TRPC6: variants seen among roughly 807,000 people sequenced by gnomAD.
The protein encoded by TRPC6 is short transient receptor potential channel 6.
In TRPC6, 55 loss-of-function variants were observed where a neutral mutation model predicts 90.7. That is an observed-to-expected ratio of 0.61 (90% CI 0.49 to 0.76). The LOEUF is 0.76. Ranked by LOEUF, TRPC6 falls within the 30% of genes least tolerant of loss-of-function variation. TRPC6 has a pLI of 0.00. For synonymous variants in TRPC6, 393 were observed against 393.0 expected (o/e 1.00, Z 0.00); for missense variants, 989 against 1,122.7 (o/e 0.88, Z 1.70).
intron 1 of TRPC6, among the ~76,000 whole-genome samples, chr11:101,513,890 G>A (rs746635326): frequency 5.3e-5 from 8 of 152,132 alleles, no homozygotes; most frequent in Admixed American, 2.0e-4. Context: ...AGAGATAATG[G>A]TGCTGAAGAA....
intron 9 of TRPC6, among the ~76,000 whole-genome samples, chr11:101,470,241 T>C (rs746049740): frequency 1.2e-4 from 19 of 152,338 alleles, no homozygotes; most frequent in South Asian, 4.1e-4. Flanking sequence ...TTTGCTCTTA[T>C]ATCGAATTAA....
chr11:101,535,601 C>T (rs1861027825), intron 1 of TRPC6, among the ~76,000 whole-genome samples: 1 of 152,074 alleles, frequency 6.6e-6, no homozygotes. Context: ...GTTTTGTTTA[C>T]TTGTTAGTAA....
chr11:101,475,632 G>T (rs1394699826), intron 6 of TRPC6, among the ~76,000 whole-genome samples: 1 of 151,644 alleles, frequency 6.6e-6, no homozygotes, highest in Non-Finnish European at 1.5e-5. Context: ...TCCCCATTTT[G>T]TGCCTTTTAC....
chr11:101,557,714 A>T (rs932099506), intron 1 of TRPC6, among the ~76,000 whole-genome samples: 1 of 152,292 alleles, frequency 6.6e-6, no homozygotes, highest in Middle Eastern at 3.4e-3. Context: ...ATTTCTATAC[A>T]CTAACAAAGA....
chr11:101,507,694 T>A (rs1860306931), intron 1 of TRPC6, among the ~76,000 whole-genome samples: 1 of 152,154 alleles, frequency 6.6e-6, no homozygotes, highest in African/African-American at 2.4e-5. Context: ...GTTTTGTGGC[T>A]ACTATTGAGA....
At chr11:101,460,917 C>G (rs562282848) in intron 10 of TRPC6, among the ~76,000 whole-genome samples, 1 of 152,084 alleles carries the variant, frequency 6.6e-6, no homozygotes, top group African/African-American at 2.4e-5. Context: ...ACCTCTTATC[C>G]GTAAGAAAAC....
At chr11:101,530,057 CA>C (rs1860873504) in intron 1 of TRPC6, among the ~76,000 whole-genome samples, 1 of 152,176 alleles carries the variant, frequency 6.6e-6, no homozygotes, top group Non-Finnish European at 1.5e-5. Flanking sequence ...GGCCTGGCAG[CA>C]GACGCTGAAG....
chr11:101,583,475 C>A lies in TRPC6; in HGVS notation c.29G>T (p.Arg10Leu). The A allele has an allele frequency of 6.6e-7, 1 of 1,515,982 alleles. No individual in the cohort carries two copies. Among genetic ancestry groups the A allele is most frequent in the South Asian group, 1.2e-5 (1 of 81,910 alleles). The allele number at this position is 1,515,982 out of a possible 1,614,324, so 93.9% of individuals were successfully genotyped here. ...AGCGCCCCGGGGAGAACTGCCCCTC[C>A]GGGGCCCGAACGCCGGGCTCTGGCT... MSQSPAFGPRRGSSPRGAAG... is the reference protein window; with the variant it reads MSQSPAFGPLRGSSPRGAAG... Residue 10 changes from arginine to leucine, a missense_variant, in exon 1 of 13, where the codon CGG (arginine) becomes CTG (leucine). Physicochemically the swap from Arg to Leu is moderately radical, Grantham distance 102. Around this residue, in one of 4 missense-constraint regions of TRPC6, gnomAD observed 194 missense variants for 136.5 expected, o/e 1.42. Coordinates refer to ENST00000344327, the MANE Select transcript of TRPC6 (RefSeq NM_004621.6).
chr11:101,463,270 C>G (rs1166688799), intron 10 of TRPC6, among the ~76,000 whole-genome samples: 4 of 152,096 alleles, frequency 2.6e-5, no homozygotes, highest in African/African-American at 7.2e-5. Context: ...CTGAAATTTT[C>G]TTTTTCTGTT....
intron 1 of TRPC6, among the ~76,000 whole-genome samples, chr11:101,558,488 C>T (rs1384355728): frequency 8.1e-6 from 1 of 123,732 alleles, no homozygotes; most frequent in Non-Finnish European, 1.7e-5. Context: ...CACACACACA[C>T]ACACACACAT....
At chr11:101,464,550 T>A (rs1859095688) in intron 10 of TRPC6, among the ~76,000 whole-genome samples, 1 of 152,202 alleles carries the variant, frequency 6.6e-6, no homozygotes, top group African/African-American at 2.4e-5. Context: ...GTAATGCCCT[T>A]CATTGTCTTT....
chr11:101,511,243 C>G (rs563373861), intron 1 of TRPC6, among the ~76,000 whole-genome samples: 3 of 152,250 alleles, frequency 2.0e-5, no homozygotes, highest in Admixed American at 6.5e-5. Flanking sequence ...TGTTTTTGCC[C>G]TGACTACTTA....
At chr11:101,469,031 C>T (rs1591527092) in intron 10 of TRPC6, among the ~76,000 whole-genome samples, 1 of 152,242 alleles carries the variant, frequency 6.6e-6, no homozygotes, top group East Asian at 1.9e-4. Flanking sequence ...CCCACAGTGC[C>T]TTTTTCCATC....
At chr11:101,459,666 A>G (rs1265660547) in intron 10 of TRPC6, among the ~76,000 whole-genome samples, 1 of 152,204 alleles carries the variant, frequency 6.6e-6, no homozygotes, top group East Asian at 1.9e-4. Context: ...ATTTTCTATC[A>G]TAAAGAAAAG....
intron 1 of TRPC6, among the ~76,000 whole-genome samples, chr11:101,547,214 A>G (rs1861326600): frequency 6.6e-6 from 1 of 152,172 alleles, no homozygotes; most frequent in South Asian, 2.1e-4. Context: ...GTCTCCCAAT[A>G]AAGAATGAGA....
At chr11:101,525,187 G>A (rs1860750133) in intron 1 of TRPC6, among the ~76,000 whole-genome samples, 1 of 152,164 alleles carries the variant, frequency 6.6e-6, no homozygotes, top group African/African-American at 2.4e-5. Context: ...GCATATCTCT[G>A]GCAATGGAAA....
At chr11:101,481,646 G>C (rs967829169) in intron 5 of TRPC6, among the ~76,000 whole-genome samples, 2 of 152,102 alleles carry the variant, frequency 1.3e-5, no homozygotes, top group African/African-American at 4.8e-5. Flanking sequence ...CAAGTTGTTT[G>C]GGGTTTACCT....
intron 1 of TRPC6, among the ~76,000 whole-genome samples, chr11:101,530,270 C>G (rs933407193): frequency 2.0e-5 from 3 of 152,156 alleles, no homozygotes; most frequent in African/African-American, 4.8e-5. Flanking sequence ...ACCCAGGAAC[C>G]TGCCAGGAGT....
At chr11:101,469,538 TA>T (rs756106125) in intron 9 of TRPC6, 37 bp from the exon 10 acceptor site, 5 of 723,716 alleles carry the variant, frequency 6.9e-6, no homozygotes, top group Non-Finnish European at 1.3e-5. Context: ...TATAACTGCA[TA>T]ACCAATTTCA....
Sources: allele counts gnomAD v4.1 joint callset (sites outside exome capture counted in the v4.1 genomes callset), GRCh38; gene constraint gnomAD v4.1.1; regional missense constraint gnomAD v4.1.1; transcripts MANE v1.5; gene names NCBI Gene and HGNC (gene_info 2026-07-23, HGNC 2026-07-21).